Variants in ADGRG4 observed in about 807,000 individuals in gnomAD.
ADGRG4 encodes adhesion G protein-coupled receptor G4.
In ADGRG4, 122 loss-of-function variants were observed where a neutral mutation model predicts 126.2. That is an observed-to-expected ratio of 0.97 (90% confidence interval 0.83 to 1.12). ADGRG4 has a LOEUF of 1.12. ADGRG4 is among the 50% of genes most tolerant of loss of function. ADGRG4 has a pLI of 0.00. For synonymous variants in ADGRG4, 943 were observed against 838.7 expected, an observed-to-expected ratio of 1.12 and a Z score of -2.15; for missense variants, 2,481 against 2,251.8, an observed-to-expected ratio of 1.10 and a Z score of -2.06.
chrX:136,397,491 C>CTTTTTTTTT (rs1184936316), intron 19 of ADGRG4, among the ~76,000 whole-genome samples: 126 of 50,565 alleles, frequency 2.5e-3, no homozygotes, highest in Non-Finnish European at 2.9e-3. Flanking sequence ...AGGAAAAGGA[C>CTTTTTTTTT]TTTTTTTTTT....
At chrX:136,409,694 C>T (rs2075435873) in intron 23 of ADGRG4, among the ~76,000 whole-genome samples, 1 of 112,021 alleles carries the variant, frequency 8.9e-6, no homozygotes, top group Admixed American at 9.4e-5. Context: ...TTGCTGCCTC[C>T]CACCTGGAAT....
At chrX:136,359,726 T>A (rs985536066) in intron 11 of ADGRG4, among the ~76,000 whole-genome samples, 1 of 111,637 alleles carries the variant, frequency 9.0e-6, no homozygotes, top group Non-Finnish European at 1.9e-5. Context: ...GGGAGGATTT[T>A]CTCTCTTGCA....
At chrX:136,398,704 G>T (rs1443683494) in intron 20 of ADGRG4, among the ~76,000 whole-genome samples, 1 of 112,137 alleles carries the variant, frequency 8.9e-6, no homozygotes, top group East Asian at 2.8e-4. Context: ...CAGACACTTT[G>T]GAAAATTATT....
intron 13 of ADGRG4, among the ~76,000 whole-genome samples, chrX:136,368,968 A>G (rs2075176057): frequency 8.9e-6 from 1 of 112,294 alleles, no homozygotes; most frequent in Non-Finnish European, 1.9e-5. Context: ...CTGAGCCCAC[A>G]CCACTGGGGG....
intron 23 of ADGRG4, among the ~76,000 whole-genome samples, chrX:136,406,679 C>T (rs1251521088): frequency 9.0e-6 from 1 of 111,457 alleles, no homozygotes. Flanking sequence ...TTTTGGAGGC[C>T]GAGGCAGGCA....
At chrX:136,367,498 C>T (rs2075166484) in intron 13 of ADGRG4, among the ~76,000 whole-genome samples, 1 of 112,127 alleles carries the variant, frequency 8.9e-6, no homozygotes, top group African/African-American at 3.2e-5. Flanking sequence ...AGTTAATAAA[C>T]AGTCATAACA....
intron 15 of ADGRG4, among the ~76,000 whole-genome samples, chrX:136,383,736 G>A (rs1000256347): frequency 2.2e-4 from 24 of 109,425 alleles, no homozygotes; most frequent in African/African-American, 7.6e-4. Flanking sequence ...CTTCTTTCCT[G>A]TTGTCTCTTG....
chrX:136,362,820 T>C (rs2075136515), intron 12 of ADGRG4, among the ~76,000 whole-genome samples: 1 of 111,858 alleles, frequency 8.9e-6, no homozygotes, highest in Admixed American at 9.5e-5. Context: ...GTTTTGTTTA[T>C]ACAGCTTTTC....
chrX:136,337,570 T>G (rs2074955112), intron 5 of ADGRG4, among the ~76,000 whole-genome samples: 1 of 112,743 alleles, frequency 8.9e-6, no homozygotes, highest in African/African-American at 3.2e-5. Flanking sequence ...ATAGCTTTGC[T>G]GGATATAGAA....
intron 1 of ADGRG4, 95 bp downstream of exon 1, chrX:136,301,095 T>C (rs2074696234): frequency 8.9e-6 from 1 of 112,501 alleles, no homozygotes; most frequent in Admixed American, 9.4e-5. Context: ...CCTTTGGGTA[T>C]ATACCCAGTA....
intron 22 of ADGRG4, among the ~76,000 whole-genome samples, chrX:136,405,343 C>CA (rs937742684): frequency 9.0e-6 from 1 of 110,580 alleles, no homozygotes. Flanking sequence ...GTGTGGGGAG[C>CA]ACGGCGACAG....
intron 23 of ADGRG4, among the ~76,000 whole-genome samples, chrX:136,409,473 G>A (rs1355074845): frequency 9.0e-6 from 1 of 111,670 alleles, no homozygotes; most frequent in Admixed American, 9.5e-5. Flanking sequence ...TGATGTCACT[G>A]TCACCCCTTG....
In ADGRG4 at chrX:136,345,897, T is replaced by C; in HGVS notation, c.2191T>C (p.Leu731=). ...TARYTTAVSK[L]TSPWFANFSI... is the part of the protein sequence containing the mutation. ...CAGATATACAACAGCTGTATCCAAA[T>C]TGACATCACCATGGTTTGCTAATTT... The change falls in exon 6 of 26, where the codon TTG becomes CTG. Residue 731 remains leucine (L), a synonymous_variant. Transcript: ENST00000394143. 2 of 1,210,256 alleles carry C rather than the reference T, an allele frequency of 1.7e-6. No homozygotes were observed. Among genetic ancestry groups the C allele is most frequent in the Middle Eastern group, 2.3e-4 (1 of 4,347 alleles).
intron 13 of ADGRG4, among the ~76,000 whole-genome samples, chrX:136,369,933 T>C (rs887705161): frequency 1.8e-5 from 2 of 110,866 alleles, no homozygotes; most frequent in Non-Finnish European, 3.8e-5. Context: ...TTAATTTACA[T>C]TGATGAGAAC....
chrX:136,383,593 T>C (rs1362610631), intron 15 of ADGRG4, among the ~76,000 whole-genome samples: 1 of 111,658 alleles, frequency 9.0e-6, no homozygotes, highest in Non-Finnish European at 1.9e-5. Flanking sequence ...TTTTTACCCA[T>C]CCTGATAATA....
At position 136,345,320 on chromosome X, in the gene ADGRG4, C is replaced by T; in HGVS notation, c.1614C>T (p.Pro538=). ...TSTNFQDVSL[P]RVEDAMSTSM... is the part of the protein sequence containing the mutation. The stretch of plus-strand genomic sequence containing the variant: ...CAAATTTTCAGGATGTCTCTTTACC[C>T]AGAGTGGAAGATGCCATGTCTACTT... Residue 538 remains proline (P), a synonymous_variant, in exon 6 of 26, where the codon CCC becomes CCT. Transcript: ENST00000394143. 1 of 1,210,189 alleles carries T rather than the reference C, an allele frequency of 8.3e-7. No individual in the cohort carries two copies. The highest frequency in any genetic ancestry group is 1.1e-6 in the Non-Finnish European group (1 of 894,278).
rs2074724120 is a variant in ADGRG4, at chrX:136,304,974, G to A, written c.-59G>A. ...GCTGGAACCTGGTGCTAGGCGCTGG[G>A]CCAAGCACTTTACATACTGTGTGTT... On this transcript the variant is annotated 5_prime_UTR_variant, in exon 3 of 26. Transcript: ENST00000394143. The A allele has an allele frequency of 8.9e-6, 1 of 112,074 alleles. No homozygotes were observed. The highest frequency in any genetic ancestry group is 9.5e-5 in the Admixed American group (1 of 10,581). The allele number at this position is 112,074 out of a possible 1,213,427, so 9.2% of individuals were successfully genotyped here.
intron 15 of ADGRG4, 142 bp downstream of exon 15, chrX:136,373,206 C>T: frequency 2.0e-6 from 1 of 498,493 alleles, no homozygotes; most frequent in Non-Finnish European, 3.1e-6. Context: ...AGGGAAGATT[C>T]GTATATAATC....
At chrX:136,329,081 AT>A (rs946762734) in intron 5 of ADGRG4, among the ~76,000 whole-genome samples, 6 of 111,095 alleles carry the variant, frequency 5.4e-5, no homozygotes, top group Non-Finnish European at 1.1e-4. Context: ...AAAGATACTC[AT>A]TTCATATTTT....
Sources: allele counts gnomAD v4.1 joint callset (sites outside exome capture counted in the v4.1 genomes callset), GRCh38; gene constraint gnomAD v4.1.1; transcripts MANE v1.5; gene names NCBI Gene and HGNC (gene_info 2026-07-23, HGNC 2026-07-21).